The following ANK3 variants were observed in gnomAD, a reference collection of about 807,000 sequenced individuals.
ANK3 encodes the protein ankyrin-3.
A neutral mutation model predicts 370.9 loss-of-function variants in ANK3; 57 were observed. That is an observed-to-expected ratio of 0.15 (90% CI 0.12 to 0.19). The LOEUF (loss-of-function observed/expected upper bound fraction) is 0.19. Ranked by LOEUF, ANK3 falls within the 10% of genes least tolerant of loss-of-function variation. ANK3 has a pLI of 1.00. For synonymous variants in ANK3, 1,929 were observed against 1,946.3 expected (o/e 0.99, Z 0.23); for missense variants, 4,439 against 5,302.1 (o/e 0.84, Z 5.06).
At chr10:60,493,079 C>CA (rs1268736795) in intron 2 of ANK3, among the ~76,000 whole-genome samples, 7,752 of 121,314 alleles carry the variant, frequency 0.064, 439 homozygotes, top group East Asian at 0.2. Context: ...GACTCCTTCT[C>CA]AAAAAAAAAA....
intron 1 of ANK3, among the ~76,000 whole-genome samples, chr10:60,651,497 A>G (rs2078789150): frequency 6.6e-6 from 1 of 152,246 alleles, no homozygotes; most frequent in African/African-American, 2.4e-5. Context: ...TACTTTTTTG[A>G]GTAAAATGCA....
intron 2 of ANK3, among the ~76,000 whole-genome samples, chr10:60,570,848 A>AG (rs1336486715): frequency 2.0e-5 from 3 of 152,038 alleles, no homozygotes; most frequent in South Asian, 2.1e-4. Flanking sequence ...AGGTAGAGAG[A>AG]GGGGAAAAAA....
At chr10:60,546,855 C>T (rs191416773) in intron 2 of ANK3, among the ~76,000 whole-genome samples, 238 of 152,188 alleles carry the variant, frequency 1.6e-3, no homozygotes, top group Admixed American at 1.8e-3. Flanking sequence ...ATAGTGCTTC[C>T]CAGTGCCAGG....
intron 1 of ANK3, among the ~76,000 whole-genome samples, chr10:60,723,622 C>T (rs761993058): frequency 6.6e-6 from 1 of 152,154 alleles, no homozygotes; most frequent in Non-Finnish European, 1.5e-5. Flanking sequence ...ACCAGCAACA[C>T]CTCCACAGTA....
At chr10:60,499,677 G>T (rs1290850981) in intron 2 of ANK3, among the ~76,000 whole-genome samples, 1 of 152,162 alleles carries the variant, frequency 6.6e-6, no homozygotes, top group Non-Finnish European at 1.5e-5. Context: ...GACACTGACA[G>T]GATCAGAATG....
At chr10:60,166,999 T>C in intron 21 of ANK3, 103 bp from the exon 22 acceptor site, 2 of 896,862 alleles carry the variant, frequency 2.2e-6, no homozygotes, top group Non-Finnish European at 3.6e-6. Context: ...AATGTATGTG[T>C]TGAATATCTT....
At chr10:60,211,110 G>A (rs1030393589) in intron 9 of ANK3, among the ~76,000 whole-genome samples, 5 of 152,184 alleles carry the variant, frequency 3.3e-5, no homozygotes, top group African/African-American at 1.2e-4. Flanking sequence ...GGCTGTGGAA[G>A]CGTAGTACCT....
At chr10:60,110,284 T>G (rs1044220594) in intron 26 of ANK3, among the ~76,000 whole-genome samples, 1 of 152,148 alleles carries the variant, frequency 6.6e-6, no homozygotes, top group African/African-American at 2.4e-5. Context: ...CAAACTGGCC[T>G]GTGATCCCCA....
chr10:60,176,805 A>C (rs1294942930), intron 18 of ANK3, among the ~76,000 whole-genome samples: 2 of 152,204 alleles, frequency 1.3e-5, no homozygotes, highest in South Asian at 2.1e-4. Flanking sequence ...AACAAACAAA[A>C]AAAACCAAGT....
Position 60,061,604 on chromosome 10 carries a change from A to G in ANK3, c.12595+1507T>C, listed in dbSNP as rs185573723. Reference sequence around the variant, plus strand: ...ACTAATATATGGCCTTGCATATAAGACAAGGCCTCAAAGGGAGCGTTTTTC... The same window carrying G: ...ACTAATATATGGCCTTGCATATAAGGCAAGGCCTCAAAGGGAGCGTTTTTC... On this transcript the variant is annotated intron_variant, in intron 40 of 43. Coordinates refer to ENST00000280772, the MANE Select transcript of ANK3 (RefSeq NM_020987.5). 4.0e-3 allele frequency among the ~76,000 whole-genome samples: 612 copies of G among 152,336 alleles called. 5 individuals are homozygous for G. The highest frequency in any genetic ancestry group is 0.028 in the South Asian group (133 of 4,828).
chr10:60,093,160 T>C (rs1186843013), intron 28 of ANK3, among the ~76,000 whole-genome samples: 1 of 152,220 alleles, frequency 6.6e-6, no homozygotes, highest in Non-Finnish European at 1.5e-5. Context: ...ACGTTTTCCA[T>C]AGAAAGCAAA....
chr10:60,464,647 C>T (rs1211444233), intron 2 of ANK3, among the ~76,000 whole-genome samples: 1 of 152,162 alleles, frequency 6.6e-6, no homozygotes, highest in African/African-American at 2.4e-5. Flanking sequence ...TATTTTTGCT[C>T]TATTTCTAGC....
At chr10:60,064,366 C>T in intron 38 of ANK3, 78 bp from the exon 39 acceptor site, 4 of 1,400,330 alleles carry the variant, frequency 2.9e-6, no homozygotes, top group Non-Finnish European at 3.8e-6. Flanking sequence ...TGCTCAATTG[C>T]CACAAAAAGA....
At chr10:60,059,709 T>C (rs2079961923) in intron 40 of ANK3, 2 of 1,612,176 alleles carry the variant, frequency 1.2e-6, no homozygotes, top group Non-Finnish European at 1.7e-6. Context: ...CAGACATACA[T>C]TCTCCAACTG....
At chr10:60,182,012 T>C (rs891010848) in intron 17 of ANK3, among the ~76,000 whole-genome samples, 5 of 152,160 alleles carry the variant, frequency 3.3e-5, no homozygotes, top group African/African-American at 1.2e-4. Context: ...TGTGGCAATA[T>C]TAACACAAAT....
At chr10:60,132,303 C>T (rs1261248084) in intron 25 of ANK3, among the ~76,000 whole-genome samples, 3 of 152,084 alleles carry the variant, frequency 2.0e-5, no homozygotes, top group African/African-American at 7.2e-5. Flanking sequence ...ATTGTAGCTC[C>T]CACAATTCTC....
intron 8 of ANK3, among the ~76,000 whole-genome samples, chr10:60,228,817 C>T (rs1447541637): frequency 6.6e-6 from 1 of 152,118 alleles, no homozygotes; most frequent in Admixed American, 6.5e-5. Flanking sequence ...AGACAACATT[C>T]TGACCATTAG....
chr10:60,325,785 A>G (rs567705822), intron 1 of ANK3, among the ~76,000 whole-genome samples: 2 of 152,330 alleles, frequency 1.3e-5, no homozygotes, highest in African/African-American at 4.8e-5. Flanking sequence ...CTGGGTATAT[A>G]CCCAAAGGAG....
chr10:60,175,178 T>C (rs2095894387), intron 18 of ANK3, among the ~76,000 whole-genome samples: 1 of 152,210 alleles, frequency 6.6e-6, no homozygotes, highest in Non-Finnish European at 1.5e-5. Flanking sequence ...CTTCCCACAA[T>C]TCTCTCCCTT....
Sources: allele counts gnomAD v4.1 joint callset (sites outside exome capture counted in the v4.1 genomes callset), GRCh38; gene constraint gnomAD v4.1.1; transcripts MANE v1.5; gene names NCBI Gene and HGNC (gene_info 2026-07-23, HGNC 2026-07-21).